GALC: variants seen among roughly 807,000 people sequenced by gnomAD.
GALC encodes the protein galactosylceramidase.
Under a neutral mutation model 91.8 loss-of-function variants are expected in GALC, and 77 were observed. That is an observed-to-expected ratio of 0.84 (90% CI 0.70 to 1.01). The LOEUF is 1.01. Among genes scored for constraint, GALC ranks in the 50% least tolerant of loss-of-function variants. The probability of loss-of-function intolerance (pLI) is 0.00; values close to 1 mark genes in which losing one functional copy is unlikely to be tolerated. For missense variants in GALC, 882 were observed against 855.9 expected, an observed-to-expected ratio of 1.03 and a Z score of -0.38; for synonymous variants, 357 against 306.7, an observed-to-expected ratio of 1.16 and a Z score of -1.71.
At chr14:87,963,301 TA>T in intron 10 of GALC, 82 bp downstream of exon 10, 1 of 1,443,624 alleles carries the variant, frequency 6.9e-7, no homozygotes, top group Non-Finnish European at 9.7e-7. Flanking sequence ...TATTTACATG[TA>T]AAACAAAAGT....
At chr14:87,993,229 G>C, upstream of GALC, 1 of 1,546,526 alleles carries the variant, frequency 6.5e-7, no homozygotes, top group Middle Eastern at 1.7e-4. Context: ...ATAGATACGG[G>C]CAGGAGGCCG....
intron 13 of GALC, among the ~76,000 whole-genome samples, chr14:87,946,724 T>G (rs560546253): frequency 6.6e-6 from 1 of 152,068 alleles, no homozygotes; most frequent in East Asian, 1.9e-4. Flanking sequence ...CAACAGATTT[T>G]AAAGACCCTG....
Position 87,954,178 on chromosome 14 carries a change from A to C in GALC, c.1162-3430T>G. 1.9e-6 allele frequency: 3 copies of C among 1,590,058 alleles called. No individual in the cohort carries two copies. In the South Asian group the frequency reaches 3.3e-5, roughly 18 times the overall value. On this transcript the variant is annotated intron_variant, in intron 10 of 16. Coordinates refer to ENST00000261304, the MANE Select transcript of GALC (RefSeq NM_000153.4). ...GACCTACTGGCACAGGTGTCCTCAA[A>C]ACATTCCTACCTCAGAGATCTTCCT...
At chr14:87,952,307 G>A (rs1246882597) in intron 10 of GALC, among the ~76,000 whole-genome samples, 1 of 151,872 alleles carries the variant, frequency 6.6e-6, no homozygotes, top group Non-Finnish European at 1.5e-5. Context: ...AGAGATTAGA[G>A]ATTTACCTAG....
intron 10 of GALC, among the ~76,000 whole-genome samples, chr14:87,952,335 G>A (rs1885346070): frequency 6.6e-6 from 1 of 151,890 alleles, no homozygotes; most frequent in South Asian, 2.1e-4. Context: ...GGCAAGGCAT[G>A]AAATAGCTTC....
chr14:87,938,522 C>A (rs757270750), intron 16 of GALC, among the ~76,000 whole-genome samples: 2 of 151,942 alleles, frequency 1.3e-5, no homozygotes, highest in Non-Finnish European at 2.9e-5. Flanking sequence ...TGCACATGTG[C>A]TGATTTGTTA....
Position 87,934,640 on chromosome 14 carries a change from T to C in GALC, c.*92A>G, listed in dbSNP as rs1223104891. 6.2e-7 allele frequency: 1 copy of C among 1,604,544 alleles called. No homozygotes were observed. The highest frequency in any genetic ancestry group is 8.5e-7 in the Non-Finnish European group (1 of 1,176,538). On this transcript the variant is annotated 3_prime_UTR_variant, in exon 17 of 17. Transcript: ENST00000261304. ...ATTATTTTTAGTCTCAAAAGCCTCA[T>C]ATACTGTTCCAATGAAACAAGAATT... is the stretch of plus-strand genomic sequence containing the variant.
intron 6 of GALC, among the ~76,000 whole-genome samples, chr14:87,977,025 A>T (rs1412619892): frequency 9.0e-6 from 1 of 110,546 alleles, no homozygotes; most frequent in African/African-American, 4.7e-5. Context: ...GTTTAACCAT[A>T]GAAATATGGG....
At chr14:87,952,066 T>C (rs568185343) in intron 10 of GALC, among the ~76,000 whole-genome samples, 3 of 151,364 alleles carry the variant, frequency 2.0e-5, no homozygotes, top group Admixed American at 6.6e-5. Context: ...GGAAATAAAA[T>C]TTTTTTAAAA....
At chr14:87,992,400 C>G (rs1567018472) in intron 1 of GALC, 18 of 1,535,636 alleles carry the variant, frequency 1.2e-5, no homozygotes, top group Non-Finnish European at 1.6e-5. Context: ...CCTTGAGGCA[C>G]CAGTCCTGCC....
rs756641128 is a variant in GALC at position 87,993,102 on chromosome 14, C to A, written c.63G>T (p.Ala21=). 1.9e-6 allele frequency: 3 copies of A among 1,587,782 alleles called. No homozygotes were observed. Among genetic ancestry groups the A allele is most frequent in the Admixed American group, 3.5e-5 (2 of 56,642 alleles). Residue 21 remains alanine, a synonymous_variant, in exon 1 of 17, where the codon GCG becomes GCT. Coordinates refer to ENST00000261304, the MANE Select transcript of GALC (RefSeq NM_000153.4). The part of the protein sequence containing the change: ...QRRAKAMTAA[A]GSAGRAAVPL... ...GCACCGCGGCGCGGCCCGCCGAACC[C>A]GCGGCCGCAGTCATAGCTTTCGCTC...
rs944786640 is a variant in GALC, at chr14:87,982,315, T to C, written c.583-72A>G. On this transcript the variant is annotated intron_variant, in intron 5 of 16. Coordinates refer to ENST00000261304, the MANE Select transcript of GALC (RefSeq NM_000153.4). ...GTCAGAAAGCAGATTATCGTTACGA[T>C]ACCATTTCTCTCATCATCTTTCATA... The C allele has an allele frequency of 4.1e-6, 4 of 982,920 alleles. No homozygotes were observed. In the African/African-American group the frequency reaches 4.8e-5, roughly 12 times the overall value. The allele number at this position is 982,920 out of a possible 1,614,324, so 60.9% of individuals were successfully genotyped here.
At chr14:87,988,400 A>C in intron 2 of GALC, 55 bp downstream of exon 2, 2 of 1,346,300 alleles carry the variant, frequency 1.5e-6, no homozygotes, top group Non-Finnish European at 2.1e-6. Flanking sequence ...GGTGAAATTC[A>C]CCATCCAATT....
Position 87,939,955 on chromosome 14 carries a change from G to A in GALC, c.1861C>T (p.Arg621Cys), listed in dbSNP as rs755930402. 1.9e-5 allele frequency: 30 copies of A among 1,609,946 alleles called. No individual in the cohort carries two copies. Among genetic ancestry groups the A allele is most frequent in the East Asian group, 1.1e-4 (5 of 44,802 alleles). ...CATTTTTTTGCTGTAACTTCAACAC[G>A]TCCTAAAGCATATATAATCCATCCA... ...LAGWIIYALG[R>C]VEVTAKKWYT... is the part of the protein sequence containing the mutation. The change falls in exon 16 of 17, where the codon CGT becomes TGT. Residue 621 changes from arginine to cysteine, a missense_variant. Coordinates refer to ENST00000261304, the MANE Select transcript of GALC (RefSeq NM_000153.4).
chr14:87,949,951 A>G lies in GALC; in HGVS notation c.1252-20T>C, dbSNP rs1885234999. On this transcript the variant is annotated intron_variant, in intron 11 of 16. Transcript: ENST00000261304. ...TTCACTCTGTAAAGAAAAGACAAAA[A>G]AGCATGGCTGAGTAATTCATCACAT... 1 of 1,273,032 alleles carries G rather than the reference A, an allele frequency of 7.9e-7. No homozygotes were observed. Among genetic ancestry groups the G allele is most frequent in the Non-Finnish European group, 1.1e-6 (1 of 870,198 alleles). 78.9% of individuals were successfully genotyped at this position (1,273,032 alleles called of 1,614,324 possible).
At chr14:87,974,937 C>T (rs1886434960) in intron 7 of GALC, among the ~76,000 whole-genome samples, 1 of 151,838 alleles carries the variant, frequency 6.6e-6, no homozygotes, top group African/African-American at 2.4e-5. Context: ...TACAGTAAAA[C>T]CCATATTTTC....
chr14:87,992,432 C>G, intron 1 of GALC: 1 of 1,535,396 alleles, frequency 6.5e-7, no homozygotes, highest in Non-Finnish European at 8.7e-7. Flanking sequence ...TCCTATTCGG[C>G]GCTACCCTCT....
At chr14:87,963,299 T>C (rs756626325) in intron 10 of GALC, 85 bp downstream of exon 10, 36 of 1,420,034 alleles carry the variant, frequency 2.5e-5, no homozygotes, top group Non-Finnish European at 3.5e-5. Flanking sequence ...TGTATTTACA[T>C]GTAAAACAAA....
At chr14:87,945,768 C>A (rs770823250) in intron 13 of GALC, 35 bp from the exon 14 acceptor site, 2 of 1,488,520 alleles carry the variant, frequency 1.3e-6, no homozygotes, top group Non-Finnish European at 1.9e-6. Flanking sequence ...TGTTTAGTAT[C>A]AAATCCTTCA....
Sources: allele counts gnomAD v4.1 joint callset (sites outside exome capture counted in the v4.1 genomes callset), GRCh38; gene constraint gnomAD v4.1.1; transcripts MANE v1.5; gene names NCBI Gene and HGNC (gene_info 2026-07-23, HGNC 2026-07-21).